Variants in PTPRQ observed in about 807,000 individuals in gnomAD.
PTPRQ encodes the protein phosphatidylinositol phosphatase PTPRQ.
A neutral mutation model predicts 246.0 loss-of-function variants in PTPRQ; 199 were observed. The ratio of observed to expected loss-of-function variants is 0.81; its 90% CI spans 0.72 to 0.91. PTPRQ has a LOEUF of 0.91. Ranked by LOEUF, PTPRQ falls within the 40% of genes least tolerant of loss-of-function variation. The pLI, the probability that PTPRQ is intolerant of heterozygous loss-of-function variation, is 0.00. For missense variants in PTPRQ, 2,624 were observed against 2,528.4 expected (o/e 1.04, Z -0.81); for synonymous variants, 869 against 853.2 (o/e 1.02, Z -0.32).
chr12:80,597,276 G>A (rs1394319080), intron 26 of PTPRQ, among the ~76,000 whole-genome samples: 1 of 151,880 alleles, frequency 6.6e-6, no homozygotes, highest in East Asian at 1.9e-4. Flanking sequence ...GATTTATCCT[G>A]GCCCTAAGAC....
chr12:80,601,238 A>G (rs1898133403), intron 26 of PTPRQ, among the ~76,000 whole-genome samples: 1 of 151,592 alleles, frequency 6.6e-6, no homozygotes, highest in Non-Finnish European at 1.5e-5. Context: ...TTTTTCTAAT[A>G]TATATTATTT....
chr12:80,630,704 A>G (rs1899396247), intron 33 of PTPRQ, among the ~76,000 whole-genome samples: 1 of 152,126 alleles, frequency 6.6e-6, no homozygotes, highest in South Asian at 2.1e-4. Context: ...ATTTCGTTAG[A>G]AATACTGATT....
intron 6 of PTPRQ, among the ~76,000 whole-genome samples, chr12:80,463,916 C>A (rs945560766): frequency 6.6e-6 from 1 of 151,470 alleles, no homozygotes; most frequent in Admixed American, 6.6e-5. Flanking sequence ...CAAAATCATG[C>A]CAAAATGTAA....
At chr12:80,463,748 T>C (rs1344202595) in intron 6 of PTPRQ, among the ~76,000 whole-genome samples, 2 of 151,308 alleles carry the variant, frequency 1.3e-5, no homozygotes, top group South Asian at 2.1e-4. Flanking sequence ...CAATCCAGAA[T>C]TTCATATCCA....
chr12:80,654,477 G>C (rs1900363021), intron 38 of PTPRQ, among the ~76,000 whole-genome samples: 1 of 152,120 alleles, frequency 6.6e-6, no homozygotes, highest in Non-Finnish European at 1.5e-5. Context: ...TGCTTATTTG[G>C]TGATATTCTG....
chr12:80,633,974 C>A (rs761575377), intron 34 of PTPRQ, among the ~76,000 whole-genome samples: 2 of 152,184 alleles, frequency 1.3e-5, no homozygotes, highest in Non-Finnish European at 2.9e-5. Flanking sequence ...GGCTTTTATA[C>A]ATTCTGCTTT....
intron 17 of PTPRQ, among the ~76,000 whole-genome samples, chr12:80,525,169 T>A (rs1328571541): frequency 5.9e-5 from 9 of 152,136 alleles, no homozygotes; most frequent in Admixed American, 4.6e-4. Flanking sequence ...AGAGTAGAGC[T>A]TGTTCAGGGA....
chr12:80,477,127 A>G (rs977104492), intron 8 of PTPRQ, among the ~76,000 whole-genome samples: 1 of 152,154 alleles, frequency 6.6e-6, no homozygotes, highest in Non-Finnish European at 1.5e-5. Context: ...CTTTATTTTA[A>G]ACCAATTGTT....
At chr12:80,564,255 T>C (rs1275874242) in intron 25 of PTPRQ, among the ~76,000 whole-genome samples, 1 of 152,146 alleles carries the variant, frequency 6.6e-6, no homozygotes, top group Non-Finnish European at 1.5e-5. Flanking sequence ...AGTTGGTTGG[T>C]ATTTCCAGAT....
chr12:80,600,464 G>A (rs1033645389), intron 26 of PTPRQ, among the ~76,000 whole-genome samples: 4 of 151,772 alleles, frequency 2.6e-5, no homozygotes, highest in East Asian at 2.0e-4. Flanking sequence ...AATGAGACCC[G>A]AAGAAGCCAT....
chr12:80,477,956 G>A (rs1231828646), intron 8 of PTPRQ, among the ~76,000 whole-genome samples: 1 of 152,234 alleles, frequency 6.6e-6, no homozygotes, highest in African/African-American at 2.4e-5. Flanking sequence ...CTGGGTGAGG[G>A]GCGCCCGCCA....
At chr12:80,626,130 T>A in intron 33 of PTPRQ, among the ~76,000 whole-genome samples, 1 of 152,250 alleles carries the variant, frequency 6.6e-6, no homozygotes, top group Non-Finnish European at 1.5e-5. Context: ...GATTCAGAAA[T>A]AGGGAGTTGC....
intron 17 of PTPRQ, among the ~76,000 whole-genome samples, chr12:80,522,680 T>A (rs1245504458): frequency 6.6e-6 from 1 of 152,250 alleles, no homozygotes; most frequent in Non-Finnish European, 1.5e-5. Flanking sequence ...GATTTGCATA[T>A]GTGGAGCCAG....
At chr12:80,574,919 A>T (rs1306906645) in intron 25 of PTPRQ, among the ~76,000 whole-genome samples, 1 of 152,168 alleles carries the variant, frequency 6.6e-6, no homozygotes, top group Non-Finnish European at 1.5e-5. Context: ...CAAACTTTGG[A>T]TCTAACTCCT....
intron 26 of PTPRQ, among the ~76,000 whole-genome samples, chr12:80,590,593 G>C (rs1158180701): frequency 6.7e-6 from 1 of 149,278 alleles, no homozygotes; most frequent in African/African-American, 2.5e-5. Flanking sequence ...GCATGAACCC[G>C]GAAGGCGGAG....
Position 80,506,125 on chromosome 12 carries a change from A to G in PTPRQ, c.2374A>G (p.Lys792Glu), listed in dbSNP as rs1465021583. 3.2e-6 allele frequency: 5 copies of G among 1,540,720 alleles called. No homozygotes were observed. The highest frequency in any genetic ancestry group is 4.4e-6 in the Non-Finnish European group (5 of 1,142,982). The change falls in exon 15 of 45, where the codon AAA becomes GAA. Residue 792 changes from lysine (K) to glutamate (E), a missense_variant. Transcript: ENST00000644991. ...PPSSPNGIIQ[K>E]YTIYLKRSNG... ...AAGTAGTCCCAATGGAATCATACAA[A>G]AATATACAATTTATCTCAAGAGAAG...
chr12:80,657,328 T>G (rs1376443340), intron 38 of PTPRQ, among the ~76,000 whole-genome samples: 1 of 151,824 alleles, frequency 6.6e-6, no homozygotes, highest in South Asian at 2.1e-4. Flanking sequence ...GAACATAAAG[T>G]GTTTAATAAT....
chr12:80,531,679 C>T (rs1394044216), intron 17 of PTPRQ, among the ~76,000 whole-genome samples: 2 of 152,120 alleles, frequency 1.3e-5, no homozygotes, highest in African/African-American at 2.4e-5. Flanking sequence ...AGCAAATAAC[C>T]TCTTACATAT....
chr12:80,534,760 A>G (rs1895938832), intron 18 of PTPRQ, 132 bp from the exon 19 acceptor site: 1 of 1,145,018 alleles, frequency 8.7e-7, no homozygotes, highest in Non-Finnish European at 1.2e-6. Flanking sequence ...CATTTCTGAC[A>G]TTTCTAATTC....
Sources: gnomAD v4.1 joint callset for allele counts (sites outside exome capture counted in the v4.1 genomes callset) on GRCh38, gnomAD v4.1.1 for gene constraint, MANE v1.5 for transcripts, NCBI Gene and HGNC (gene_info 2026-07-23, HGNC 2026-07-21) for gene names.